PHACTR1: variants seen among roughly 807,000 people sequenced by gnomAD.
PHACTR1 encodes phosphatase and actin regulator 1, also known as RPEL repeat containing 1.
In PHACTR1, 16 loss-of-function variants were observed where a neutral mutation model predicts 69.2. The observed-to-expected ratio is 0.23, with a 90% CI of 0.16 to 0.35. The LOEUF is 0.35. Among genes scored for constraint, PHACTR1 ranks in the 10% least tolerant of loss-of-function variants. The pLI is 1.00. For missense variants in PHACTR1, 510 were observed against 734.7 expected (o/e 0.69, Z 3.54); for synonymous variants, 312 against 284.5 (o/e 1.10, Z -0.97).
chr6:13,045,946 A>C (rs1804959706), intron 4 of PHACTR1, among the ~76,000 whole-genome samples: 1 of 152,174 alleles, frequency 6.6e-6, no homozygotes, highest in Admixed American at 6.5e-5. Flanking sequence ...AGGTATATGG[A>C]GCCTCCCTCC....
chr6:13,151,051 G>A lies in PHACTR1; in HGVS notation c.416-9153G>A, dbSNP rs559413734. ...TGGAGGCTCATTGCATTTGTCACTT[G>A]TAGATTTCTAGCCTAAAAAGTTCCT... is the stretch of plus-strand genomic sequence containing the variant. On this transcript the variant is annotated intron_variant, in intron 5 of 14. Transcript: ENST00000332995. Among the ~76,000 whole-genome samples the A allele has an allele frequency of 3.3e-5, 5 of 152,348 alleles. No individual in the cohort carries two copies. The South Asian group carries it at 8.3e-4, about 25-fold the overall frequency.
chr6:13,258,462 G>A (rs142884143), intron 10 of PHACTR1, among the ~76,000 whole-genome samples: 1 of 152,162 alleles, frequency 6.6e-6, no homozygotes, highest in African/African-American at 2.4e-5. Flanking sequence ...ATTCTAAGGT[G>A]CTACGGGAAT....
In PHACTR1 at chr6:12,830,132, A is replaced by AGAAAGAAAGAAAGAAAGAAAG. The variant is rs1777356789; in HGVS notation, c.250+80343_250+80363dup. On this transcript the variant is annotated intron_variant, in intron 4 of 14. Coordinates refer to ENST00000332995, the MANE Select transcript of PHACTR1 (RefSeq NM_030948.6). ...AAGAAAGAAAGAAAGAAAGAAAGAAAGAAAGAAAGAAAGAAAGAAAGAAAG... is the reference window on the plus strand; with the variant it reads ...AAGAAAGAAAGAAAGAAAGAAAGAAAGAAAGAAAGAAAGAAAGAAAGGAAAGAAAGAAAGAAAGAAAGAAAG... 2.7e-5 allele frequency among the ~76,000 whole-genome samples: 4 copies of AGAAAGAAAGAAAGAAAGAAAG among 147,226 alleles called. 1 individual carries two copies. The highest frequency in any genetic ancestry group is 6.1e-5 in the Non-Finnish European group (4 of 65,682).
chr6:12,722,236 C>T (rs1470888711), intron 3 of PHACTR1, among the ~76,000 whole-genome samples: 6 of 152,168 alleles, frequency 3.9e-5, no homozygotes, highest in African/African-American at 1.4e-4. Context: ...CACTGTCATG[C>T]AGATATTTCT....
At chr6:13,092,404 A>G (rs1346775133) in intron 5 of PHACTR1, among the ~76,000 whole-genome samples, 1 of 152,202 alleles carries the variant, frequency 6.6e-6, no homozygotes, top group African/African-American at 2.4e-5. Context: ...ATAGAGGTGA[A>G]CCAGGCAGAT....
chr6:12,738,619 T>C (rs1023621752), intron 3 of PHACTR1, among the ~76,000 whole-genome samples: 1 of 152,114 alleles, frequency 6.6e-6, no homozygotes, highest in African/African-American at 2.4e-5. Context: ...TCCTAGCACT[T>C]TGGGAGGCCG....
At chr6:12,785,571 T>C (rs1440677810) in intron 4 of PHACTR1, among the ~76,000 whole-genome samples, 1 of 152,154 alleles carries the variant, frequency 6.6e-6, no homozygotes, top group Non-Finnish European at 1.5e-5. Context: ...TTTCTTCTCT[T>C]GTGTTGAAGC....
chr6:13,122,112 A>G (rs1818827065), intron 5 of PHACTR1, among the ~76,000 whole-genome samples: 1 of 152,166 alleles, frequency 6.6e-6, no homozygotes, highest in Non-Finnish European at 1.5e-5. Context: ...ACCACTCTTC[A>G]ATAAAGACTC....
At chr6:12,958,365 G>T (rs1562054929) in intron 4 of PHACTR1, among the ~76,000 whole-genome samples, 1 of 152,214 alleles carries the variant, frequency 6.6e-6, no homozygotes, top group African/African-American at 2.4e-5. Context: ...ACCTCAGGAA[G>T]TTTCTGACTT....
intron 7 of PHACTR1, chr6:13,184,781 A>T: frequency 2.2e-6 from 3 of 1,363,980 alleles, no homozygotes; most frequent in Non-Finnish European, 2.0e-6. Context: ...CCTGTGTATC[A>T]TGTGGTTGTC....
intron 1 of PHACTR1, among the ~76,000 whole-genome samples, chr6:12,717,134 T>C (rs2127551121): frequency 6.6e-6 from 1 of 152,274 alleles, no homozygotes; most frequent in Non-Finnish European, 1.5e-5. Flanking sequence ...GTATTAATTA[T>C]AACAGGGGAA....
chr6:13,200,691 T>C (rs930402731), intron 7 of PHACTR1, among the ~76,000 whole-genome samples: 1 of 151,232 alleles, frequency 6.6e-6, no homozygotes, highest in African/African-American at 2.4e-5. Context: ...CCACCCACTT[T>C]GGGAGGCCGG....
intron 5 of PHACTR1, among the ~76,000 whole-genome samples, chr6:13,155,213 C>A (rs564537099): frequency 6.6e-6 from 1 of 152,068 alleles, no homozygotes; most frequent in Non-Finnish European, 1.5e-5. Flanking sequence ...TAAGTGCTGC[C>A]CTTAGGTCAA....
chr6:12,882,383 C>A (rs1344886025), intron 4 of PHACTR1, among the ~76,000 whole-genome samples: 1 of 152,046 alleles, frequency 6.6e-6, no homozygotes, highest in African/African-American at 2.4e-5. Flanking sequence ...AATTGACTCC[C>A]AGATCCACAT....
intron 4 of PHACTR1, among the ~76,000 whole-genome samples, chr6:12,772,273 G>A (rs1476026310): frequency 2.6e-5 from 4 of 152,196 alleles, no homozygotes. Context: ...TGCTAATTCA[G>A]GATATGCAGG....
At chr6:13,006,400 C>A (rs754877400) in intron 4 of PHACTR1, among the ~76,000 whole-genome samples, 2 of 152,172 alleles carry the variant, frequency 1.3e-5, no homozygotes, top group Non-Finnish European at 2.9e-5. Context: ...GTAAGGTGAG[C>A]TTTGCTGTAA....
chr6:13,134,186 A>G (rs1294421126), intron 5 of PHACTR1, among the ~76,000 whole-genome samples: 1 of 145,362 alleles, frequency 6.9e-6, no homozygotes, highest in Non-Finnish European at 1.5e-5. Context: ...CCGGCCAGCC[A>G]CCCCGTCCCG....
intron 5 of PHACTR1, among the ~76,000 whole-genome samples, chr6:13,143,690 G>A (rs1012233152): frequency 6.6e-6 from 1 of 152,084 alleles, no homozygotes; most frequent in Admixed American, 6.6e-5. Flanking sequence ...AATGAGGAAA[G>A]ACTTCCCAAC....
chr6:12,857,937 G>C (rs912849398), intron 4 of PHACTR1, among the ~76,000 whole-genome samples: 2 of 152,280 alleles, frequency 1.3e-5, no homozygotes, highest in Non-Finnish European at 2.9e-5. Flanking sequence ...TCTTAGTGAG[G>C]TCATTTCAGT....
Sources: allele counts gnomAD v4.1 joint callset (sites outside exome capture counted in the v4.1 genomes callset), GRCh38; gene constraint gnomAD v4.1.1; transcripts MANE v1.5; gene names NCBI Gene and HGNC (gene_info 2026-07-23, HGNC 2026-07-21).